The following DNMT3A variants were observed in gnomAD, a reference collection of about 807,000 sequenced individuals.
DNMT3A encodes the protein DNA (cytosine-5)-methyltransferase 3A.
DNMT3A carries 267 observed loss-of-function variants against 117.6 expected under a neutral mutation model. That is an observed-to-expected ratio of 2.27 (90% confidence interval 2.05 to 2.51). DNMT3A has a LOEUF of 2.51. Ranked by LOEUF, DNMT3A falls within the 30% of genes most tolerant of loss-of-function variation. DNMT3A has a pLI of 0.00. For synonymous variants in DNMT3A, 432 were observed against 474.8 expected (o/e 0.91, Z 1.17); for missense variants, 1,029 against 1,260.2 (o/e 0.82, Z 2.78).
chr2:25,234,476 G>C lies in DNMT3A; in HGVS notation c.2598-56C>G. 3 of 1,562,554 alleles carry C rather than the reference G, an allele frequency of 1.9e-6. No individual in the cohort carries two copies. Among genetic ancestry groups the C allele is most frequent in the East Asian group, 4.6e-5 (2 of 43,278 alleles). The stretch of plus-strand genomic sequence containing the variant: ...GAGTGCTGGCCAGACCAGGCTGCCC[G>C]GAAGCCGTCTAACCACACAGCAGGA... On this transcript the variant is annotated intron_variant, in intron 22 of 22. Transcript: ENST00000321117. This position sits in a 1 kb window ranked among gnomAD's most constrained non-coding sequence, Gnocchi z 4.5.
At chr2:25,250,841 C>T (rs748603627) in intron 6 of DNMT3A, among the ~76,000 whole-genome samples, 1 of 152,192 alleles carries the variant, frequency 6.6e-6, no homozygotes, top group Admixed American at 6.5e-5. Context: ...GGAAAGGACC[C>T]GCTATCAGTT....
rs2035319641 is a variant in DNMT3A, at chr2:25,339,176, ATTGCTAGGC to A, written c.-178+2641_-178+2649del. ...CCGAAAAACAGACCACCCTGTCCCC[ATTGCTAGGC>A]CTGAAATTCCACCACTAGAATCAGA... On this transcript the variant is annotated intron_variant, in intron 1 of 22. Transcript: ENST00000321117. This position sits in a 1 kb window ranked among gnomAD's most constrained non-coding sequence, Gnocchi z 4.9. 6.6e-6 allele frequency among the ~76,000 whole-genome samples: 1 copy of A among 151,934 alleles called. No homozygotes were observed. Among genetic ancestry groups the A allele is most frequent in the Non-Finnish European group, 1.5e-5 (1 of 67,980 alleles).
intron 3 of DNMT3A, among the ~76,000 whole-genome samples, chr2:25,289,851 C>T (rs1041671532): frequency 1.3e-5 from 2 of 152,268 alleles, no homozygotes; most frequent in African/African-American, 4.8e-5. Context: ...CCTCCTCTTC[C>T]CCCTTTGCCC....
At chr2:25,269,249 C>T (rs1186107896) in intron 6 of DNMT3A, among the ~76,000 whole-genome samples, 1 of 152,184 alleles carries the variant, frequency 6.6e-6, no homozygotes, top group Non-Finnish European at 1.5e-5. Context: ...ATCACTTGAA[C>T]CTGGGAGGTG....
chr2:25,254,651 C>T lies in DNMT3A; in HGVS notation c.640-6399G>A, dbSNP rs538420000. On this transcript the variant is annotated intron_variant, in intron 6 of 22. Coordinates refer to ENST00000321117, the MANE Select transcript of DNMT3A (RefSeq NM_022552.5). This position sits in a 1 kb window ranked among gnomAD's most constrained non-coding sequence, Gnocchi z 4.7. ...TTAGGGAATGCAGCATGACTTGCTT[C>T]GCTGCTTCTCTCACTGATACCTCTT... Among the ~76,000 whole-genome samples, 2 of 152,264 alleles carry T rather than the reference C, an allele frequency of 1.3e-5. No individual in the cohort carries two copies. Among genetic ancestry groups the T allele is most frequent in the South Asian group, 2.1e-4 (1 of 4,822 alleles).
Position 25,246,611 on chromosome 2 carries a change from C to G in DNMT3A, c.1279+9G>C. The stretch of plus-strand genomic sequence containing the variant: ...CAGGGGTCCCAGAAAGCTGGGTGCC[C>G]TCATTTACCTTCTGGTGGCTCCAGG... On this transcript the variant is annotated intron_variant, in intron 10 of 22. Transcript: ENST00000321117. 6.2e-7 allele frequency: 1 copy of G among 1,605,136 alleles called. No individual in the cohort carries two copies. Among genetic ancestry groups the G allele is most frequent in the Non-Finnish European group, 8.5e-7 (1 of 1,174,954 alleles).
At position 25,234,563 on chromosome 2, in the gene DNMT3A, C is replaced by G; in HGVS notation, c.2598-143G>C. On this transcript the variant is annotated intron_variant, in intron 22 of 22. Coordinates refer to ENST00000321117, the MANE Select transcript of DNMT3A (RefSeq NM_022552.5). The surrounding 1 kb of genome is among the most constrained non-coding windows in gnomAD (Gnocchi z 4.5). ...GGGGCACTCACACCCACCAACTCCT[C>G]TGACGCCTGCTTAGTTCTGCCGAAT... 1 of 905,788 alleles carries G rather than the reference C, an allele frequency of 1.1e-6. No homozygotes were observed. Among genetic ancestry groups the G allele is most frequent in the Non-Finnish European group, 1.6e-6 (1 of 620,132 alleles). The allele number at this position is 905,788 out of a possible 1,614,324, so 56.1% of individuals were successfully genotyped here.
chr2:25,266,087 G>A (rs949571250), intron 6 of DNMT3A, among the ~76,000 whole-genome samples: 11 of 152,140 alleles, frequency 7.2e-5, no homozygotes, highest in East Asian at 3.9e-4. Context: ...ACTCTGGTGC[G>A]CAACCAACCC....
chr2:25,262,273 A>T (rs1216131634), intron 6 of DNMT3A, among the ~76,000 whole-genome samples: 1 of 152,104 alleles, frequency 6.6e-6, no homozygotes, highest in Non-Finnish European at 1.5e-5. Context: ...CTAGCTCAAA[A>T]ATCCACCCCC....
intron 6 of DNMT3A, chr2:25,249,475 G>A: frequency 2.9e-6 from 2 of 685,320 alleles, no homozygotes; most frequent in South Asian, 1.8e-5. Context: ...ATCACACCCA[G>A]TGTGTATTGT....
At chr2:25,275,889 C>G (rs1032315964) in intron 4 of DNMT3A, among the ~76,000 whole-genome samples, 3 of 152,150 alleles carry the variant, frequency 2.0e-5, no homozygotes, top group Non-Finnish European at 2.9e-5. Flanking sequence ...TGCTCCCAGT[C>G]AAGAGACCTC....
chr2:25,338,554 G>C (rs1434230396), intron 1 of DNMT3A, among the ~76,000 whole-genome samples: 1 of 152,174 alleles, frequency 6.6e-6, no homozygotes. Flanking sequence ...AACCTGCCTC[G>C]CTGCCTCGGG....
At chr2:25,284,756 G>A (rs1357755317) in intron 3 of DNMT3A, among the ~76,000 whole-genome samples, 4 of 149,438 alleles carry the variant, frequency 2.7e-5, no homozygotes, top group Non-Finnish European at 4.4e-5. Flanking sequence ...TCTCCCCTAA[G>A]GTACCCATTA....
At chr2:25,243,876 C>T (rs1271013136) in intron 16 of DNMT3A, 22 bp downstream of exon 16, 3 of 1,551,852 alleles carry the variant, frequency 1.9e-6, no homozygotes, top group East Asian at 2.4e-5. Flanking sequence ...CGGCCAGCAC[C>T]TCTTGGGCCT....
At chr2:25,265,765 G>C (rs1006817578) in intron 6 of DNMT3A, among the ~76,000 whole-genome samples, 1 of 151,580 alleles carries the variant, frequency 6.6e-6, no homozygotes, top group African/African-American at 2.4e-5. Context: ...GTTGCAGTGA[G>C]CTGAGATCAT....
intron 6 of DNMT3A, among the ~76,000 whole-genome samples, chr2:25,255,755 A>T (rs555105760): frequency 1.3e-5 from 2 of 152,230 alleles, no homozygotes; most frequent in African/African-American, 2.4e-5. Context: ...CCTGTTATCA[A>T]TTGGTAAATC....
rs1256156521 is a variant in DNMT3A at position 25,244,532 on chromosome 2, AGCCTCACCTGCAG to A, written c.1662_1667+7del. On this transcript the variant is annotated splice_donor_variant and splice_donor_5th_base_variant and coding_sequence_variant and intron_variant, in exon 14 of 23. Transcript: ENST00000321117. LOFTEE classifies it high-confidence loss of function. ...TAAGGAGACCACTGGAGGCCACAACAGCCTCACCTGCAGCAGTTGTTGTTTCCGCACATGAGCA... is the reference window on the plus strand; with the variant it reads ...TAAGGAGACCACTGGAGGCCACAACACAGTTGTTGTTTCCGCACATGAGCA... The A allele has an allele frequency of 6.2e-7, 1 of 1,613,288 alleles. No individual in the cohort carries two copies. The highest frequency in any genetic ancestry group is 8.5e-7 in the Non-Finnish European group (1 of 1,179,360).
At position 25,257,168 on chromosome 2, in the gene DNMT3A, A is replaced by G. The variant is rs1158774746; in HGVS notation, c.640-8916T>C. ...GCAGTGAAGCTAAAAATAGCCATGA[A>G]GCCAACAGCGTGGAGTTAGCAGGAC... On this transcript the variant is annotated intron_variant, in intron 6 of 22. Transcript: ENST00000321117. This position sits in a 1 kb window ranked among gnomAD's most constrained non-coding sequence, Gnocchi z 4.8. Among the ~76,000 whole-genome samples, 1 of 152,180 alleles carries G rather than the reference A, an allele frequency of 6.6e-6. No individual in the cohort carries two copies. The highest frequency in any genetic ancestry group is 1.9e-4 in the East Asian group (1 of 5,190).
At chr2:25,300,887 G>A (rs1322468711) in intron 2 of DNMT3A, among the ~76,000 whole-genome samples, 1 of 148,294 alleles carries the variant, frequency 6.7e-6, no homozygotes, top group Non-Finnish European at 1.5e-5. Context: ...CTCTGATAAA[G>A]GATTTGAGTT....
Sources: gnomAD v4.1 joint callset for allele counts (sites outside exome capture counted in the v4.1 genomes callset) on GRCh38, gnomAD v4.1.1 for gene constraint, Gnocchi (gnomAD v3.1) non-coding constraint, MANE v1.5 for transcripts, NCBI Gene and HGNC (gene_info 2026-07-23, HGNC 2026-07-21) for gene names.